MAP4K3: variants seen among roughly 807,000 people sequenced by gnomAD.
MAP4K3 encodes MAPK/ERK kinase kinase kinase 3.
A neutral mutation model predicts 143.5 loss-of-function variants in MAP4K3; 94 were observed. That is an observed-to-expected ratio of 0.65 (90% confidence interval 0.55 to 0.78). The LOEUF is 0.78. Among genes scored for constraint, MAP4K3 ranks in the 30% least tolerant of loss-of-function variants. The pLI is 0.00. For synonymous variants in MAP4K3, 416 were observed against 347.2 expected (o/e 1.20, Z -2.20); for missense variants, 1,077 against 1,068.1 (o/e 1.01, Z -0.12).
At chr2:39,357,004 C>T (rs756892168) in intron 2 of MAP4K3, among the ~76,000 whole-genome samples, 23 of 152,216 alleles carry the variant, frequency 1.5e-4, no homozygotes, top group African/African-American at 3.4e-4. Flanking sequence ...AGATGGCCCA[C>T]ATTCACAGGC....
rs1328776169 is a variant in MAP4K3, at chr2:39,416,623, T to C, written c.96+20269A>G. 2.0e-5 allele frequency among the ~76,000 whole-genome samples: 3 copies of C among 152,376 alleles called. No homozygotes were observed. The South Asian group carries it at 6.2e-4, about 32-fold the overall frequency. On this transcript the variant is annotated intron_variant, in intron 1 of 33. Coordinates refer to ENST00000263881, the MANE Select transcript of MAP4K3 (RefSeq NM_003618.4). ...AAGCATTATTTTCCTTTAGTGAGTATACAGTTCCATTTCTGCAAGTTTGAC... is the reference window on the plus strand; with the variant it reads ...AAGCATTATTTTCCTTTAGTGAGTACACAGTTCCATTTCTGCAAGTTTGAC...
chr2:39,300,268 G>A (rs6544220), intron 15 of MAP4K3, among the ~76,000 whole-genome samples: 133,954 of 152,214 alleles, frequency 0.88, 59,135 homozygotes, highest in Non-Finnish European at 0.91. Flanking sequence ...TTAAAGATAT[G>A]AAATTGGGTG....
At chr2:39,358,633 T>TG (rs1315754954) in intron 2 of MAP4K3, among the ~76,000 whole-genome samples, 4 of 152,040 alleles carry the variant, frequency 2.6e-5, no homozygotes, top group Admixed American at 6.5e-5. Context: ...AACATTTTTG[T>TG]GGGAAAAAAA....
intron 26 of MAP4K3, chr2:39,267,466 T>C (rs11677189): frequency 0.78 from 375,127 of 482,192 alleles, 152,000 homozygotes; most frequent in Non-Finnish European, 0.85. Flanking sequence ...AGGTCAAGAC[T>C]TCGAGACCAG....
Position 39,336,908 on chromosome 2 carries a change from T to C in MAP4K3, c.414+12A>G, listed in dbSNP as rs1664985838. On this transcript the variant is annotated intron_variant, in intron 6 of 33. Coordinates refer to ENST00000263881, the MANE Select transcript of MAP4K3 (RefSeq NM_003618.4). Reference sequence around the variant, plus strand: ...GAAGAGAGGGTTATTATGTTAAAAATATAATGTATACCTTTATATCTCTGT... The same window carrying C: ...GAAGAGAGGGTTATTATGTTAAAAACATAATGTATACCTTTATATCTCTGT... The C allele has an allele frequency of 8.9e-7, 1 of 1,120,532 alleles. No homozygotes were observed. The highest frequency in any genetic ancestry group is 1.3e-6 in the Non-Finnish European group (1 of 787,220). The allele number at this position is 1,120,532 out of a possible 1,614,324, so 69.4% of individuals were successfully genotyped here.
At chr2:39,317,995 G>T (rs1683174778) in intron 12 of MAP4K3, among the ~76,000 whole-genome samples, 1 of 152,038 alleles carries the variant, frequency 6.6e-6, no homozygotes, top group Admixed American at 6.6e-5. Flanking sequence ...CAATAGCAAA[G>T]ATACTGAATC....
chr2:39,362,749 G>A lies in MAP4K3; in HGVS notation c.155-6410C>T, dbSNP rs531271603. 3.3e-5 allele frequency among the ~76,000 whole-genome samples: 5 copies of A among 152,188 alleles called. No individual in the cohort carries two copies. The East Asian group carries it at 7.7e-4, about 23-fold the overall frequency. ...AACGCCAAATAGCCAAAACAATCTT[G>A]AGAAAAAAGAATAAAAGCTGGAGGT... On this transcript the variant is annotated intron_variant, in intron 2 of 33. Coordinates refer to ENST00000263881, the MANE Select transcript of MAP4K3 (RefSeq NM_003618.4).
At chr2:39,258,713 T>C (rs1032881525) in intron 29 of MAP4K3, 126 bp from the exon 30 acceptor site, 2 of 729,200 alleles carry the variant, frequency 2.7e-6, no homozygotes, top group African/African-American at 3.6e-5. Context: ...AATACACATG[T>C]AGTGACTGAG....
chr2:39,308,009 T>C lies in MAP4K3; in HGVS notation c.1057-4A>G. On this transcript the variant is annotated splice_polypyrimidine_tract_variant and splice_region_variant and intron_variant, in intron 14 of 33. Coordinates refer to ENST00000263881, the MANE Select transcript of MAP4K3 (RefSeq NM_003618.4). ...CCAAAAAACCATCACTGTCGGGCTGTTTAGCAGAGACCAAGAAACCCAAGT... is the reference window on the plus strand; with the variant it reads ...CCAAAAAACCATCACTGTCGGGCTGCTTAGCAGAGACCAAGAAACCCAAGT... 6.3e-7 allele frequency: 1 copy of C among 1,592,362 alleles called. No homozygotes were observed. The highest frequency in any genetic ancestry group is 1.4e-5 in the African/African-American group (1 of 73,998).
chr2:39,328,444 A>G (rs767403422), intron 8 of MAP4K3, among the ~76,000 whole-genome samples: 1 of 152,212 alleles, frequency 6.6e-6, no homozygotes, highest in African/African-American at 2.4e-5. Flanking sequence ...AGATAAGAAC[A>G]TGACAATGGC....
chr2:39,397,277 A>G (rs1431952769), intron 1 of MAP4K3, among the ~76,000 whole-genome samples: 1 of 152,220 alleles, frequency 6.6e-6, no homozygotes, highest in Non-Finnish European at 1.5e-5. Context: ...CAAACATAAG[A>G]GAATTCAGTA....
chr2:39,308,087 TGAA>T (rs2148497326), intron 14 of MAP4K3, 82 bp from the exon 15 acceptor site: 1 of 927,466 alleles, frequency 1.1e-6, no homozygotes, highest in South Asian at 1.6e-5. Flanking sequence ...CTTTCACAAA[TGAA>T]GTAAGTCCTG....
chr2:39,319,144 A>G (rs779607807), intron 12 of MAP4K3, among the ~76,000 whole-genome samples: 1 of 152,154 alleles, frequency 6.6e-6, no homozygotes, highest in Non-Finnish European at 1.5e-5. Flanking sequence ...GAACTCCTAC[A>G]AGCAAATGCC....
At chr2:39,279,242 T>C (rs1381525173) in intron 23 of MAP4K3, among the ~76,000 whole-genome samples, 1 of 152,204 alleles carries the variant, frequency 6.6e-6, no homozygotes, top group African/African-American at 2.4e-5. Flanking sequence ...CAGTATAGAA[T>C]GCTAAGAGCA....
chr2:39,309,494 G>C lies in MAP4K3; in HGVS notation c.1023C>G (p.Pro341=). 2 of 1,593,348 alleles carry C rather than the reference G, an allele frequency of 1.3e-6. No individual in the cohort carries two copies. The highest frequency in any genetic ancestry group is 1.2e-5 in the South Asian group (1 of 86,126). ...ITFGQVKFDP[P]LRKETEPHHE... ...GATGTGGTTCTGTCTCCTTTCTTAA[G>C]GGTGGATCAAATTTCACTTGGCCAA... The change falls in exon 14 of 34, where the codon CCC becomes CCG. Residue 341 remains proline (P), a synonymous_variant. Transcript: ENST00000263881.
chr2:39,281,166 A>T (rs1245259860), intron 22 of MAP4K3, among the ~76,000 whole-genome samples: 1 of 152,222 alleles, frequency 6.6e-6, no homozygotes, highest in Non-Finnish European at 1.5e-5. Context: ...AGAAAATTTC[A>T]GTATTTGCCA....
chr2:39,343,281 A>T, intron 4 of MAP4K3, 107 bp downstream of exon 4: 1 of 734,794 alleles, frequency 1.4e-6, no homozygotes. Flanking sequence ...TATAACAATA[A>T]AACATAGCTT....
chr2:39,252,946 G>T (rs1039565761), intron 32 of MAP4K3, among the ~76,000 whole-genome samples: 2 of 149,474 alleles, frequency 1.3e-5, no homozygotes, highest in African/African-American at 4.9e-5. Context: ...TAGTTCTCAG[G>T]TGACTTTTTG....
At chr2:39,272,247 G>A (rs375781588) in intron 26 of MAP4K3, 36 bp downstream of exon 26, 1 of 1,421,764 alleles carries the variant, frequency 7.0e-7, no homozygotes, top group African/African-American at 1.4e-5. Context: ...AGAATGAACT[G>A]TTAATATCAT....
Sources: allele counts gnomAD v4.1 joint callset (sites outside exome capture counted in the v4.1 genomes callset), GRCh38; gene constraint gnomAD v4.1.1; transcripts MANE v1.5; gene names NCBI Gene and HGNC (gene_info 2026-07-23, HGNC 2026-07-21).